Variants in GNAQ observed in about 807,000 individuals in gnomAD.
GNAQ encodes the protein guanine nucleotide-binding protein G(q) subunit alpha.
GNAQ carries 8 observed loss-of-function variants against 43.9 expected under a neutral mutation model. The observed-to-expected ratio is 0.18, with a 90% CI of 0.11 to 0.33. The LOEUF (loss-of-function observed/expected upper bound fraction) is 0.33. Ranked by LOEUF, GNAQ falls within the 10% of genes least tolerant of loss-of-function variation. GNAQ has a pLI of 1.00. For synonymous variants in GNAQ, 155 were observed against 170.7 expected, an observed-to-expected ratio of 0.91 and a Z score of 0.71; for missense variants, 158 against 450.8, an observed-to-expected ratio of 0.35 and a Z score of 5.88.
intron 5 of GNAQ, among the ~76,000 whole-genome samples, chr9:77,773,959 T>A (rs1826267166): frequency 6.6e-6 from 1 of 151,872 alleles, no homozygotes; most frequent in Admixed American, 6.6e-5. Flanking sequence ...TTTTATAAAA[T>A]GTAGGTTCCC....
rs143327940 is a variant in GNAQ, at chr9:77,792,946, G to C, written c.735+1517C>G. ...TTATAAGGTCTTCTAGGGCAGAGTTGATTTTTTTCCCCATTTTTGTGTCTT... is the reference window on the plus strand; with the variant it reads ...TTATAAGGTCTTCTAGGGCAGAGTTCATTTTTTTCCCCATTTTTGTGTCTT... On this transcript the variant is annotated intron_variant, in intron 5 of 6. Transcript: ENST00000286548. Among the ~76,000 whole-genome samples, 435 of 152,118 alleles carry C rather than the reference G, an allele frequency of 2.9e-3. 3 individuals are homozygous for C. Among genetic ancestry groups the C allele is most frequent in the African/African-American group, 1.0e-2 (415 of 41,534 alleles).
chr9:77,938,421 G>T lies in GNAQ; in HGVS notation c.137-16076C>A, dbSNP rs370242969. Among the ~76,000 whole-genome samples, 7 of 152,248 alleles carry T rather than the reference G, an allele frequency of 4.6e-5. No homozygotes were observed. The East Asian group carries it at 9.6e-4, about 21-fold the overall frequency. The stretch of plus-strand genomic sequence containing the variant: ...TGAGCAGGTAAGAACTTCATCATAG[G>T]ACTCATGAAGAAGACACTGGCATGG... On this transcript the variant is annotated intron_variant, in intron 1 of 6. Coordinates refer to ENST00000286548, the MANE Select transcript of GNAQ (RefSeq NM_002072.5).
rs554310393 is a variant in GNAQ at position 77,920,625 on chromosome 9, T to G, written c.321+1536A>C. On this transcript the variant is annotated intron_variant, in intron 2 of 6. Transcript: ENST00000286548. Reference sequence around the variant, plus strand: ...CCTGATCCTTTCAAATTCAGACTACTTAGATATATCCATGCAGCTTACTCT... The same window carrying G: ...CCTGATCCTTTCAAATTCAGACTACGTAGATATATCCATGCAGCTTACTCT... Among the ~76,000 whole-genome samples the G allele has an allele frequency of 5.3e-5, 8 of 152,330 alleles. No individual in the cohort carries two copies. The East Asian group carries it at 1.5e-3, about 29-fold the overall frequency.
chr9:77,773,993 TTC>T (rs1259508484), intron 5 of GNAQ, among the ~76,000 whole-genome samples: 2 of 147,044 alleles, frequency 1.4e-5, no homozygotes, highest in African/African-American at 2.6e-5. Flanking sequence ...ATTCTTCTTC[TTC>T]TTTTTTTTTT....
chr9:77,775,543 G>T (rs1249729255), intron 5 of GNAQ, among the ~76,000 whole-genome samples: 1 of 151,762 alleles, frequency 6.6e-6, no homozygotes. Flanking sequence ...CCGAGTAGCT[G>T]GGACTATAGG....
intron 2 of GNAQ, among the ~76,000 whole-genome samples, chr9:77,836,754 G>C (rs1448118568): frequency 1.3e-5 from 2 of 151,944 alleles, no homozygotes; most frequent in East Asian, 3.9e-4. Context: ...TATATCACAG[G>C]TAATTATTAC....
At chr9:77,904,897 C>G (rs1234451441) in intron 2 of GNAQ, among the ~76,000 whole-genome samples, 2 of 152,080 alleles carry the variant, frequency 1.3e-5, no homozygotes, top group South Asian at 4.1e-4. Context: ...CACACACACA[C>G]AGAGGAAGAA....
intron 2 of GNAQ, among the ~76,000 whole-genome samples, chr9:77,837,418 G>T (rs993676348): frequency 6.6e-6 from 1 of 152,026 alleles, no homozygotes; most frequent in African/African-American, 2.4e-5. Context: ...GCCGGGTGAG[G>T]TGGTGCTCAC....
At chr9:77,956,591 T>C (rs1011957518) in intron 1 of GNAQ, among the ~76,000 whole-genome samples, 1 of 152,182 alleles carries the variant, frequency 6.6e-6, no homozygotes, top group Non-Finnish European at 1.5e-5. Context: ...GAGTCTCTTC[T>C]CAGCATTCCA....
chr9:77,830,772 G>A (rs1000913097), intron 2 of GNAQ, among the ~76,000 whole-genome samples: 4 of 151,968 alleles, frequency 2.6e-5, no homozygotes, highest in Non-Finnish European at 5.9e-5. Context: ...TTTTGAAAAT[G>A]GATATTTGGA....
At chr9:77,894,427 T>G (rs188145438) in intron 2 of GNAQ, among the ~76,000 whole-genome samples, 1 of 110,816 alleles carries the variant, frequency 9.0e-6, no homozygotes, top group African/African-American at 3.6e-5. Flanking sequence ...ATAGAAAAAA[T>G]ATATATATAT....
intron 1 of GNAQ, among the ~76,000 whole-genome samples, chr9:77,926,911 A>T (rs1055030150): frequency 2.6e-5 from 4 of 152,158 alleles, no homozygotes; most frequent in Non-Finnish European, 5.9e-5. Flanking sequence ...AGGAATACTA[A>T]TTTTTCTTCC....
intron 5 of GNAQ, among the ~76,000 whole-genome samples, chr9:77,775,571 A>C (rs1406627116): frequency 1.3e-5 from 2 of 151,854 alleles, no homozygotes; most frequent in Non-Finnish European, 2.9e-5. Flanking sequence ...CACCACGCCC[A>C]GCTAAATTTT....
intron 2 of GNAQ, among the ~76,000 whole-genome samples, chr9:77,870,324 GTTTTTTTTTTTTTT>G (rs781464413): frequency 9.0e-6 from 1 of 111,130 alleles, no homozygotes; most frequent in African/African-American, 3.6e-5. Flanking sequence ...TTTGGTGCTA[GTTTTTTTTTTTTTT>G]TTTTTTTTTT....
chr9:77,804,092 T>G (rs1374402965), intron 3 of GNAQ, among the ~76,000 whole-genome samples: 1 of 120,120 alleles, frequency 8.3e-6, no homozygotes, highest in Non-Finnish European at 2.0e-5. Flanking sequence ...TTCCTTAATT[T>G]TGACACTTTA....
At chr9:77,740,758 T>C (rs12002652) in intron 5 of GNAQ, among the ~76,000 whole-genome samples, 1,875 of 152,336 alleles carry the variant, frequency 0.012, 40 homozygotes, top group African/African-American at 0.042. Flanking sequence ...ATGAATGTTA[T>C]TACTTTTTAT....
intron 5 of GNAQ, among the ~76,000 whole-genome samples, chr9:77,762,863 T>C (rs1412327813): frequency 6.6e-6 from 1 of 151,932 alleles, no homozygotes; most frequent in Non-Finnish European, 1.5e-5. Context: ...TTAAGGGCGG[T>C]GCAAGATGTG....
chr9:77,933,196 A>G (rs556254866), intron 1 of GNAQ, among the ~76,000 whole-genome samples: 7 of 152,216 alleles, frequency 4.6e-5, no homozygotes, highest in African/African-American at 9.6e-5. Flanking sequence ...AAAGGCAAGG[A>G]CACAGACATG....
chr9:77,796,544 C>T (rs1186020484), intron 4 of GNAQ, among the ~76,000 whole-genome samples: 7 of 152,082 alleles, frequency 4.6e-5, no homozygotes. Context: ...TTTTCTCATC[C>T]TAAAAACAAA....
Sources: allele counts gnomAD v4.1 joint callset (sites outside exome capture counted in the v4.1 genomes callset), GRCh38; gene constraint gnomAD v4.1.1; transcripts MANE v1.5; gene names NCBI Gene and HGNC (gene_info 2026-07-23, HGNC 2026-07-21).